Variants in FGD3 observed in about 807,000 individuals in gnomAD.
FGD3 encodes the protein FYVE, RhoGEF and PH domain containing 3.
FGD3 carries 45 observed loss-of-function variants against 71.8 expected under a neutral mutation model. That is an observed-to-expected ratio of 0.63 (90% CI 0.49 to 0.80). FGD3 has a LOEUF of 0.80. FGD3 is among the 30% of genes least tolerant of loss of function. The pLI, the probability that FGD3 is intolerant of heterozygous loss-of-function variation, is 0.00. For synonymous variants in FGD3, 378 were observed against 392.8 expected (o/e 0.96, Z 0.44); for missense variants, 844 against 951.5 (o/e 0.89, Z 1.49).
At chr9:92,982,450 G>A (rs1355847531) in intron 3 of FGD3, among the ~76,000 whole-genome samples, 2 of 152,306 alleles carry the variant, frequency 1.3e-5, no homozygotes, top group East Asian at 1.9e-4. Context: ...AAACATGGAG[G>A]TGCAGCTGTC....
chr9:93,027,715 C>CTTTTTTTTTT (rs1199094054), intron 14 of FGD3, among the ~76,000 whole-genome samples: 30 of 101,994 alleles, frequency 2.9e-4, no homozygotes, highest in African/African-American at 4.0e-4. Context: ...TTCTTTCTTT[C>CTTTTTTTTTT]TTTTTTTTTT....
intron 1 of FGD3, chr9:92,964,178 G>A (rs909241253): frequency 4.6e-5 from 7 of 152,364 alleles, no homozygotes; most frequent in Admixed American, 1.3e-4. Context: ...CACCCTGCAA[G>A]TTGCACCTTC....
chr9:92,991,685 G>A (rs930020636), intron 3 of FGD3, among the ~76,000 whole-genome samples: 3 of 152,168 alleles, frequency 2.0e-5, no homozygotes, highest in African/African-American at 7.2e-5. Context: ...CTATGGTGTA[G>A]TTTAAATCTG....
chr9:93,020,466 G>C (rs115867184), intron 13 of FGD3, 42 bp downstream of exon 13: 4 of 1,559,850 alleles, frequency 2.6e-6, no homozygotes, highest in Non-Finnish European at 3.5e-6. Context: ...TCCAGGGGAC[G>C]GGCTACCTGT....
intron 1 of FGD3, among the ~76,000 whole-genome samples, chr9:92,973,154 G>A (rs533010294): frequency 1.2e-3 from 138 of 117,916 alleles, no homozygotes; most frequent in African/African-American, 4.3e-3. Flanking sequence ...TTGCTCTGTC[G>A]CCCAGGCTGG....
intron 1 of FGD3, among the ~76,000 whole-genome samples, chr9:92,968,607 C>CTTTTTTTTTTTTTTTTTTTTTT (rs55908030): frequency 7.0e-6 from 1 of 143,032 alleles, no homozygotes; most frequent in Admixed American, 7.0e-5. Context: ...TTCTTTCTTT[C>CTTTTTTTTTTTTTTTTTTTTTT]TTTTTTTTTT....
chr9:92,960,060 C>G (rs1304704191), intron 1 of FGD3, among the ~76,000 whole-genome samples: 1 of 152,012 alleles, frequency 6.6e-6, no homozygotes, highest in African/African-American at 2.4e-5. Flanking sequence ...GTCTCCATGT[C>G]CTCATGCCCC....
rs201737625 is a variant in FGD3, at chr9:93,028,220, A to G, written c.1558-1654A>G. On this transcript the variant is annotated intron_variant, in intron 14 of 17. Coordinates refer to ENST00000375482, the MANE Select transcript of FGD3 (RefSeq NM_001083536.2). ...CCGACACACACACACACACACACGC[A>G]CACACACACACACACACCCCAATTT... Among the ~76,000 whole-genome samples, 28 of 139,216 alleles carry G rather than the reference A, an allele frequency of 2.0e-4. No individual in the cohort carries two copies. In the East Asian group the frequency reaches 4.0e-3, roughly 20 times the overall value. 91.3% of individuals were successfully genotyped at this position (139,216 alleles called of 152,430 possible).
At chr9:92,989,102 G>A (rs1587834163) in intron 3 of FGD3, among the ~76,000 whole-genome samples, 1 of 152,166 alleles carries the variant, frequency 6.6e-6, no homozygotes, top group African/African-American at 2.4e-5. Flanking sequence ...CCAGGCTGGA[G>A]TGCAATGGCG....
chr9:93,009,986 G>A (rs1294674668), intron 6 of FGD3, among the ~76,000 whole-genome samples: 3 of 152,206 alleles, frequency 2.0e-5, no homozygotes, highest in East Asian at 1.9e-4. Flanking sequence ...TTTCTCCACC[G>A]AGGATGCGTA....
At chr9:92,959,622 C>T (rs145239082) in intron 1 of FGD3, among the ~76,000 whole-genome samples, 1 of 149,214 alleles carries the variant, frequency 6.7e-6, no homozygotes, top group East Asian at 2.0e-4. Flanking sequence ...TGGGAGGATC[C>T]CTCGAGCACA....
intron 1 of FGD3, among the ~76,000 whole-genome samples, chr9:92,974,201 C>T (rs1432591953): frequency 6.6e-6 from 1 of 152,160 alleles, no homozygotes; most frequent in Non-Finnish European, 1.5e-5. Context: ...CTCTGTCTTG[C>T]CAGACAGCTA....
intron 3 of FGD3, among the ~76,000 whole-genome samples, chr9:92,981,165 G>A (rs572660357): frequency 1.3e-3 from 201 of 150,810 alleles, no homozygotes; most frequent in Non-Finnish European, 2.5e-3. Flanking sequence ...TCAGGAGATC[G>A]AGACCATCCT....
chr9:93,028,108 C>A (rs879702330), intron 14 of FGD3, among the ~76,000 whole-genome samples: 2 of 151,800 alleles, frequency 1.3e-5, no homozygotes, highest in Non-Finnish European at 2.9e-5. Flanking sequence ...TGGACCCATA[C>A]AAGTGGGGAT....
chr9:93,002,724 C>A (rs893547842), intron 3 of FGD3, among the ~76,000 whole-genome samples: 1 of 152,194 alleles, frequency 6.6e-6, no homozygotes, highest in Non-Finnish European at 1.5e-5. Flanking sequence ...GTCGCTGCAA[C>A]TGCTCTGTAG....
At chr9:92,979,561 T>C in intron 3 of FGD3, among the ~76,000 whole-genome samples, 1 of 152,212 alleles carries the variant, frequency 6.6e-6, no homozygotes, top group East Asian at 1.9e-4. Context: ...TGGCCCGTAG[T>C]TTTATTTTCC....
intron 3 of FGD3, among the ~76,000 whole-genome samples, chr9:92,989,924 T>G (rs1199712484): frequency 4.0e-5 from 6 of 151,448 alleles, no homozygotes; most frequent in African/African-American, 9.7e-5. Context: ...TAGAGGTTTT[T>G]TTTTTTTTTT....
At chr9:92,988,814 T>C (rs142190720) in intron 3 of FGD3, among the ~76,000 whole-genome samples, 84 of 152,298 alleles carry the variant, frequency 5.5e-4, no homozygotes, top group African/African-American at 1.9e-3. Context: ...CCTTTCCCTA[T>C]GGCATGTAAG....
intron 3 of FGD3, among the ~76,000 whole-genome samples, chr9:92,985,107 T>C (rs7850247): frequency 0.51 from 77,980 of 152,022 alleles, 20,272 homozygotes; most frequent in Middle Eastern, 0.61. Context: ...TGGCCAAGCT[T>C]TTGGCAGAGA....
Sources: allele counts gnomAD v4.1 joint callset (sites outside exome capture counted in the v4.1 genomes callset), GRCh38; gene constraint gnomAD v4.1.1; transcripts MANE v1.5; gene names NCBI Gene and HGNC (gene_info 2026-07-23, HGNC 2026-07-21).